Variants in TCF7L2 observed in about 807,000 individuals in gnomAD.
TCF7L2 encodes the protein transcription factor 7 like 2.
A neutral mutation model predicts 77.9 loss-of-function variants in TCF7L2; 23 were observed. The ratio of observed to expected loss-of-function variants is 0.30; its 90% CI spans 0.21 to 0.42. TCF7L2 has a LOEUF of 0.42. Among genes scored for constraint, TCF7L2 ranks in the 10% least tolerant of loss-of-function variants. The probability of loss-of-function intolerance (pLI) is 1.00; values close to 1 mark genes in which losing one functional copy is unlikely to be tolerated. For synonymous variants in TCF7L2, 413 were observed against 340.2 expected, an observed-to-expected ratio of 1.21 and a Z score of -2.36; for missense variants, 654 against 793.1, an observed-to-expected ratio of 0.82 and a Z score of 2.11.
At chr10:113,062,698 A>G (rs1002217130) in intron 5 of TCF7L2, among the ~76,000 whole-genome samples, 3 of 152,176 alleles carry the variant, frequency 2.0e-5, no homozygotes, top group Non-Finnish European at 4.4e-5. Flanking sequence ...ATTCGGTCCA[A>G]TTAAGCGTCC....
intron 5 of TCF7L2, among the ~76,000 whole-genome samples, chr10:113,139,045 A>G (rs1284090811): frequency 4.6e-5 from 7 of 151,478 alleles, no homozygotes; most frequent in Admixed American, 4.6e-4. Context: ...CAGTCCTTCC[A>G]CCCCTTAGTA....
intron 5 of TCF7L2, among the ~76,000 whole-genome samples, chr10:113,048,409 C>T (rs2053828207): frequency 6.6e-6 from 1 of 152,152 alleles, no homozygotes; most frequent in Admixed American, 6.5e-5. Flanking sequence ...ACATGTGGCT[C>T]TCTCTCCTCC....
intron 11 of TCF7L2, among the ~76,000 whole-genome samples, chr10:113,157,394 A>T (rs1175175318): frequency 6.6e-6 from 1 of 152,238 alleles, no homozygotes. Flanking sequence ...CCAGGATTAT[A>T]GGCGTCAGCC....
At chr10:113,015,092 A>G (rs981034329) in intron 4 of TCF7L2, among the ~76,000 whole-genome samples, 93 of 152,186 alleles carry the variant, frequency 6.1e-4, no homozygotes, top group South Asian at 2.1e-4. Context: ...AGGCTGAGGC[A>G]GGAGAATCTC....
At chr10:112,967,105 A>C (rs1174650068) in intron 4 of TCF7L2, among the ~76,000 whole-genome samples, 1 of 152,242 alleles carries the variant, frequency 6.6e-6, no homozygotes, top group Non-Finnish European at 1.5e-5. Flanking sequence ...AGACGAAATG[A>C]AATTGTTCCC....
Position 113,143,943 on chromosome 10 carries a change from C to A in TCF7L2, c.706C>A (p.Pro236Thr), listed in dbSNP as rs2068826385. The change falls in exon 7 of 14, where the codon CCT becomes ACT. Residue 236 changes from proline to threonine, a missense_variant. Pro to Thr is a conservative substitution (Grantham distance 38, BLOSUM62 -1). Transcript: ENST00000627217. ...CTCAGGAATCCCACGGCCTCCGCAC[C>A]CTCCAGATATATCCCCGTATTACCC... 1 of 1,613,744 alleles carries A rather than the reference C, an allele frequency of 6.2e-7. No individual in the cohort carries two copies. Among genetic ancestry groups the A allele is most frequent in the African/African-American group, 1.3e-5 (1 of 74,872 alleles).
chr10:113,165,291 G>A (rs536315950), intron 13 of TCF7L2, among the ~76,000 whole-genome samples: 1 of 152,314 alleles, frequency 6.6e-6, no homozygotes, highest in African/African-American at 2.4e-5. Flanking sequence ...GGTGGGGCAT[G>A]GGTGTTTAGT....
chr10:113,138,614 A>C (rs924449508), intron 5 of TCF7L2, among the ~76,000 whole-genome samples: 36 of 152,178 alleles, frequency 2.4e-4, no homozygotes, highest in African/African-American at 8.2e-4. Flanking sequence ...TAAAAATAAT[A>C]TTAATAATAA....
intron 5 of TCF7L2, among the ~76,000 whole-genome samples, chr10:113,084,726 C>T (rs960790831): frequency 1.3e-5 from 2 of 151,884 alleles, no homozygotes; most frequent in Non-Finnish European, 2.9e-5. Flanking sequence ...GAAACCCGGT[C>T]TCTACCAAAA....
chr10:113,066,822 C>G (rs2057324463), intron 5 of TCF7L2, among the ~76,000 whole-genome samples: 1 of 152,224 alleles, frequency 6.6e-6, no homozygotes, highest in African/African-American at 2.4e-5. Context: ...CCGGTATTGA[C>G]AGATGAGGAG....
At chr10:113,144,253 T>C (rs1439151185) in intron 7 of TCF7L2, among the ~76,000 whole-genome samples, 10 of 152,040 alleles carry the variant, frequency 6.6e-5, no homozygotes, top group Non-Finnish European at 1.5e-5. Context: ...AGGTGGCTTA[T>C]GTTACTGGCA....
chr10:113,098,802 T>A (rs1045613694), intron 5 of TCF7L2, among the ~76,000 whole-genome samples: 1 of 152,208 alleles, frequency 6.6e-6, no homozygotes, highest in African/African-American at 2.4e-5. Context: ...TAATATAAAT[T>A]CGTATTATTG....
chr10:113,075,148 G>A (rs2058547533), intron 5 of TCF7L2, among the ~76,000 whole-genome samples: 1 of 152,066 alleles, frequency 6.6e-6, no homozygotes, highest in Non-Finnish European at 1.5e-5. Flanking sequence ...AAGCCACAGT[G>A]CCCAGCCTGA....
chr10:113,037,011 A>G (rs1181715960), intron 4 of TCF7L2, among the ~76,000 whole-genome samples: 1 of 152,128 alleles, frequency 6.6e-6, no homozygotes, highest in African/African-American at 2.4e-5. Context: ...CCAACAGAAT[A>G]GAAATTCCTG....
Position 112,978,415 on chromosome 10 carries a change from T to C in TCF7L2, c.450+13791T>C, listed in dbSNP as rs373923717. Among the ~76,000 whole-genome samples, 9 of 152,098 alleles carry C rather than the reference T, an allele frequency of 5.9e-5. No homozygotes were observed. The East Asian group carries it at 1.7e-3, about 29-fold the overall frequency. On this transcript the variant is annotated intron_variant, in intron 4 of 13. Transcript: ENST00000627217. Reference sequence around the variant, plus strand: ...CTCATTAGGATGTATAAGGACCTCATATCCTAATTTCTCATAGTAGTCTTT... The same window carrying C: ...CTCATTAGGATGTATAAGGACCTCACATCCTAATTTCTCATAGTAGTCTTT...
At chr10:113,008,746 C>T (rs2045984619) in intron 4 of TCF7L2, among the ~76,000 whole-genome samples, 1 of 152,116 alleles carries the variant, frequency 6.6e-6, no homozygotes, top group Admixed American at 6.5e-5. Flanking sequence ...TTGGGAGCGC[C>T]ACAGTTTGAG....
rs1346435161 is a variant in TCF7L2 at position 113,151,164 on chromosome 10, T to C, written c.1001+41T>C. On this transcript the variant is annotated intron_variant, in intron 9 of 13. Coordinates refer to ENST00000627217, the MANE Select transcript of TCF7L2 (RefSeq NM_001146274.2). The surrounding 1 kb of genome is among the most constrained non-coding windows in gnomAD (Gnocchi z 5.2). ...TTTCTCACCTTCTTCGTAGCCGCAG[T>C]GTTCTGCAAGCCTGTTGCAGCTGCT... 22 of 1,613,364 alleles carry C rather than the reference T, an allele frequency of 1.4e-5. No individual in the cohort carries two copies. Among genetic ancestry groups the C allele is most frequent in the East Asian group, 4.5e-5 (2 of 44,894 alleles).
At chr10:112,969,514 A>G (rs930976036) in intron 4 of TCF7L2, among the ~76,000 whole-genome samples, 3 of 152,208 alleles carry the variant, frequency 2.0e-5, no homozygotes, top group African/African-American at 2.4e-5. Context: ...GTAGACTTGG[A>G]GGGGCATGGG....
chr10:112,969,778 C>T (rs1383019077), intron 4 of TCF7L2, among the ~76,000 whole-genome samples: 1 of 152,194 alleles, frequency 6.6e-6, no homozygotes. Flanking sequence ...GGGAGGAGGA[C>T]TAGCAGGCTG....
Sources: gnomAD v4.1 joint callset for allele counts (sites outside exome capture counted in the v4.1 genomes callset) on GRCh38, gnomAD v4.1.1 for gene constraint, Gnocchi (gnomAD v3.1) non-coding constraint, MANE v1.5 for transcripts, NCBI Gene and HGNC (gene_info 2026-07-23, HGNC 2026-07-21) for gene names.